Variants in PRKAR2A observed in about 807,000 individuals in gnomAD.
PRKAR2A encodes the protein cAMP-dependent protein kinase type II-alpha regulatory subunit.
Under a neutral mutation model 51.9 loss-of-function variants are expected in PRKAR2A, and 29 were observed. That is an observed-to-expected ratio of 0.56 (90% CI 0.42 to 0.76). The LOEUF (loss-of-function observed/expected upper bound fraction) is 0.76, where lower values mean the gene tolerates loss of function less well. PRKAR2A is among the 30% of genes least tolerant of loss of function. PRKAR2A has a pLI of 0.00. For synonymous variants in PRKAR2A, 178 were observed against 186.2 expected (o/e 0.96, Z 0.36); for missense variants, 445 against 512.1 (o/e 0.87, Z 1.26).
intron 1 of PRKAR2A, among the ~76,000 whole-genome samples, chr3:48,837,888 C>T (rs1353119450): frequency 6.6e-6 from 1 of 151,810 alleles, no homozygotes; most frequent in Non-Finnish European, 1.5e-5. Context: ...CGGCAAAAGA[C>T]CACATATTGG....
At chr3:48,774,848 CCTTT>C (rs1419443983) in intron 5 of PRKAR2A, among the ~76,000 whole-genome samples, 1 of 152,072 alleles carries the variant, frequency 6.6e-6, no homozygotes, top group African/African-American at 2.4e-5. Context: ...TCCCTCTCTT[CCTTT>C]CTTTGCCTTA....
intron 1 of PRKAR2A, among the ~76,000 whole-genome samples, chr3:48,821,497 T>G (rs1286903541): frequency 6.6e-6 from 1 of 152,194 alleles, no homozygotes; most frequent in East Asian, 1.9e-4. Flanking sequence ...TTGAGAGATA[T>G]GAGTTCTAGG....
intron 1 of PRKAR2A, among the ~76,000 whole-genome samples, chr3:48,835,318 A>G (rs1337016303): frequency 6.6e-6 from 1 of 151,586 alleles, no homozygotes; most frequent in African/African-American, 2.4e-5. Flanking sequence ...CCTGGCCAAC[A>G]TGGCGAAACC....
At position 48,751,327 on chromosome 3, in the gene PRKAR2A, GAT is replaced by G. The variant is rs1559597698; in HGVS notation, c.*256_*257del. On this transcript the variant is annotated 3_prime_UTR_variant, in exon 11 of 11. Transcript: ENST00000265563. ...GAGAGACATGCCGTTTTGAACCAAA[GAT>G]ATAAAAACTGGGTTGGAGTAATCTT... 1 of 626,644 alleles carries G rather than the reference GAT, an allele frequency of 1.6e-6. No homozygotes were observed. Among genetic ancestry groups the G allele is most frequent in the Non-Finnish European group, 3.0e-6 (1 of 337,368 alleles). 38.8% of individuals were successfully genotyped at this position (626,644 alleles called of 1,614,324 possible). A position where few individuals can be genotyped will look rare whatever the true frequency, so the allele number is the denominator to read the frequency against.
intron 1 of PRKAR2A, among the ~76,000 whole-genome samples, chr3:48,835,097 G>A (rs1184431102): frequency 6.6e-6 from 1 of 151,728 alleles, no homozygotes; most frequent in African/African-American, 2.4e-5. Context: ...TCAGCCTCCA[G>A]AGTTGCTGGG....
At chr3:48,796,089 C>T (rs1288028685) in intron 2 of PRKAR2A, among the ~76,000 whole-genome samples, 1 of 152,204 alleles carries the variant, frequency 6.6e-6, no homozygotes, top group Non-Finnish European at 1.5e-5. Flanking sequence ...GTTGTGATTA[C>T]TGTTTCTCAG....
At chr3:48,844,635 C>T (rs1391257955) in intron 1 of PRKAR2A, among the ~76,000 whole-genome samples, 1 of 148,278 alleles carries the variant, frequency 6.7e-6, no homozygotes, top group Non-Finnish European at 1.5e-5. Flanking sequence ...GGCACATATA[C>T]ACCATGGAAT....
chr3:48,835,928 G>C (rs1227712941), intron 1 of PRKAR2A, among the ~76,000 whole-genome samples: 1 of 152,092 alleles, frequency 6.6e-6, no homozygotes, highest in East Asian at 1.9e-4. Flanking sequence ...CATGTGGTCA[G>C]ACATATAAAT....
At chr3:48,838,195 C>T (rs950703476) in intron 1 of PRKAR2A, among the ~76,000 whole-genome samples, 2 of 151,550 alleles carry the variant, frequency 1.3e-5, no homozygotes, top group African/African-American at 4.9e-5. Context: ...ACAACAACAA[C>T]ACATATTATA....
chr3:48,779,762 A>G (rs1461175292), intron 5 of PRKAR2A, among the ~76,000 whole-genome samples: 1 of 149,530 alleles, frequency 6.7e-6, no homozygotes, highest in African/African-American at 2.5e-5. Context: ...CCTGAGCAAC[A>G]GAGCAAGACT....
At position 48,847,398 on chromosome 3, in the gene PRKAR2A, C is replaced by G. The variant is rs2083484778; in HGVS notation, c.199G>C (p.Gly67Arg). Residue 67 changes from glycine to arginine, a missense_variant, in exon 1 of 11, where the codon GGC becomes CGC. Transcript: ENST00000265563. The surrounding 1 kb of genome is among the most constrained non-coding windows in gnomAD (Gnocchi z 4.4). ...QSLGHPPPEP[G>R]PDRVADAKGD... ...TTGGCGTCGGCGACACGGTCCGGGC[C>G]GGGTTCTGGCGGGGGGTGGCCCAGG... 6.2e-7 allele frequency: 1 copy of G among 1,607,430 alleles called. No individual in the cohort carries two copies.
intron 5 of PRKAR2A, among the ~76,000 whole-genome samples, chr3:48,780,155 AC>A (rs202179601): frequency 6.6e-5 from 10 of 150,630 alleles, no homozygotes; most frequent in East Asian, 5.9e-4. Flanking sequence ...GAGACTCCGT[AC>A]CCCCCCCAAA....
intron 6 of PRKAR2A, among the ~76,000 whole-genome samples, chr3:48,767,292 A>T (rs1310101051): frequency 6.6e-6 from 1 of 151,934 alleles, no homozygotes; most frequent in African/African-American, 2.4e-5. Flanking sequence ...CAGCCTGGCC[A>T]ATATGGTGAA....
intron 1 of PRKAR2A, among the ~76,000 whole-genome samples, chr3:48,808,439 G>C (rs1023924235): frequency 4.6e-5 from 7 of 152,218 alleles, no homozygotes; most frequent in African/African-American, 1.4e-4. Context: ...ATTTTTAGTA[G>C]AGACGGGGTT....
chr3:48,758,873 C>T (rs956603712), intron 8 of PRKAR2A, among the ~76,000 whole-genome samples: 4 of 152,052 alleles, frequency 2.6e-5, no homozygotes, highest in Non-Finnish European at 5.9e-5. Context: ...ATAATCTTTC[C>T]CTAGCAGGTA....
chr3:48,832,846 TG>T (rs955330374), intron 1 of PRKAR2A, among the ~76,000 whole-genome samples: 1 of 152,196 alleles, frequency 6.6e-6, no homozygotes, highest in African/African-American at 2.4e-5. Context: ...CAAACAGTCT[TG>T]AAATAATTCC....
chr3:48,821,990 G>C (rs1169984308), intron 1 of PRKAR2A, among the ~76,000 whole-genome samples: 1 of 151,600 alleles, frequency 6.6e-6, no homozygotes, highest in Non-Finnish European at 1.5e-5. Flanking sequence ...ACTTTGGGAG[G>C]CCAAGGCGGG....
chr3:48,833,810 T>C (rs1211420847), intron 1 of PRKAR2A, among the ~76,000 whole-genome samples: 1 of 150,406 alleles, frequency 6.6e-6, no homozygotes, highest in Non-Finnish European at 1.5e-5. Flanking sequence ...CCAAGGAAGG[T>C]GGATCACCTG....
downstream of PRKAR2A, chr3:48,746,431 C>G (rs1382535390): frequency 6.6e-6 from 1 of 151,320 alleles, no homozygotes; most frequent in Non-Finnish European, 1.5e-5. Context: ...CTGGAGAACC[C>G]TGACTAGTAC....
Sources: gnomAD v4.1 joint callset for allele counts (sites outside exome capture counted in the v4.1 genomes callset) on GRCh38, gnomAD v4.1.1 for gene constraint, Gnocchi (gnomAD v3.1) non-coding constraint, MANE v1.5 for transcripts, NCBI Gene and HGNC (gene_info 2026-07-23, HGNC 2026-07-21) for gene names.